ARMH3: variants seen among roughly 807,000 people sequenced by gnomAD.
ARMH3 encodes the protein armadillo like helical domain containing 3.
A neutral mutation model predicts 99.1 loss-of-function variants in ARMH3; 60 were observed. The ratio of observed to expected loss-of-function variants is 0.61; its 90% CI spans 0.49 to 0.75. The LOEUF is 0.75. Among genes scored for constraint, ARMH3 ranks in the 30% least tolerant of loss-of-function variants. ARMH3 has a pLI of 0.00. For missense variants in ARMH3, 679 were observed against 843.1 expected (o/e 0.81, Z 2.41); for synonymous variants, 285 against 292.8 (o/e 0.97, Z 0.27).
chr10:101,981,454 T>C (rs1846230372), intron 19 of ARMH3, among the ~76,000 whole-genome samples: 1 of 151,880 alleles, frequency 6.6e-6, no homozygotes, highest in Non-Finnish European at 1.5e-5. Flanking sequence ...TGATAGCCCG[T>C]CTTAAAAATA....
At chr10:101,885,494 T>G (rs2067518045) in intron 24 of ARMH3, among the ~76,000 whole-genome samples, 1 of 152,180 alleles carries the variant, frequency 6.6e-6, no homozygotes, top group Admixed American at 6.5e-5. Context: ...GGATGAATCT[T>G]GAATACATGA....
intron 19 of ARMH3, among the ~76,000 whole-genome samples, chr10:101,986,380 T>C (rs952896576): frequency 2.0e-5 from 3 of 151,762 alleles, no homozygotes; most frequent in Non-Finnish European, 4.4e-5. Context: ...AATCAAGGAG[T>C]ACAGCTAGGA....
rs1043032593 is a variant in ARMH3, at chr10:101,890,240, A to T, written c.1782-750T>A. On this transcript the variant is annotated intron_variant, in intron 23 of 25. Coordinates refer to ENST00000370033, the MANE Select transcript of ARMH3 (RefSeq NM_024541.3). ...ATCTCTTTTTTTCATATATATATAT[A>T]TATTTATTTATATTTATATTTTAGA... 5.2e-4 allele frequency among the ~76,000 whole-genome samples: 78 copies of T among 149,624 alleles called. 3 individuals carry two copies. Among genetic ancestry groups the T allele is most frequent in the Middle Eastern group, 3.5e-3 (1 of 286 alleles).
At chr10:101,891,286 T>G (rs2067685261) in intron 23 of ARMH3, among the ~76,000 whole-genome samples, 1 of 152,002 alleles carries the variant, frequency 6.6e-6, no homozygotes, top group Admixed American at 6.6e-5. Context: ...ACCTCCACCT[T>G]CCGGGTTTAA....
intron 6 of ARMH3, among the ~76,000 whole-genome samples, chr10:102,024,654 T>C (rs1319701687): frequency 1.5e-5 from 2 of 134,856 alleles, no homozygotes; most frequent in South Asian, 2.3e-4. Flanking sequence ...CTACTAAAAG[T>C]ACAAAAAAAA....
At chr10:101,908,664 C>CT (rs373262667) in intron 23 of ARMH3, among the ~76,000 whole-genome samples, 5,159 of 137,278 alleles carry the variant, frequency 0.038, 118 homozygotes, top group Non-Finnish European at 0.056. Flanking sequence ...TTTTCTTTTT[C>CT]TTTTTTTTTT....
intron 11 of ARMH3, among the ~76,000 whole-genome samples, chr10:102,010,933 G>A (rs1385480765): frequency 6.6e-6 from 1 of 152,098 alleles, no homozygotes; most frequent in Non-Finnish European, 1.5e-5. Context: ...AAGCAGTGGA[G>A]GAAAAAGAAT....
At chr10:101,973,549 A>G (rs954200832) in intron 20 of ARMH3, among the ~76,000 whole-genome samples, 8 of 152,160 alleles carry the variant, frequency 5.3e-5, no homozygotes, top group African/African-American at 1.9e-4. Flanking sequence ...TAGGAGGAGA[A>G]TAACAGGAAG....
intron 1 of ARMH3, among the ~76,000 whole-genome samples, chr10:102,041,178 A>G (rs1452490285): frequency 6.7e-6 from 1 of 149,794 alleles, no homozygotes; most frequent in Non-Finnish European, 1.5e-5. Flanking sequence ...AAGTAGTTTC[A>G]TGAATCATGG....
chr10:101,934,353 A>G (rs1008326870), intron 23 of ARMH3, among the ~76,000 whole-genome samples: 9 of 152,228 alleles, frequency 5.9e-5, no homozygotes, highest in South Asian at 2.1e-4. Flanking sequence ...CACTGGAACA[A>G]AAAGACCATG....
At chr10:102,047,520 T>G (rs935083010) in intron 1 of ARMH3, among the ~76,000 whole-genome samples, 2 of 150,392 alleles carry the variant, frequency 1.3e-5, no homozygotes, top group Non-Finnish European at 3.0e-5. Flanking sequence ...AACCTCTCAC[T>G]CTGTCACCCA....
chr10:102,017,552 G>C (rs2136137367), intron 8 of ARMH3, among the ~76,000 whole-genome samples: 1 of 152,264 alleles, frequency 6.6e-6, no homozygotes, highest in Middle Eastern at 3.4e-3. Flanking sequence ...ATTCATTACT[G>C]ATGATAGTGT....
At chr10:101,976,056 G>A (rs1845986659) in intron 19 of ARMH3, among the ~76,000 whole-genome samples, 1 of 148,504 alleles carries the variant, frequency 6.7e-6, no homozygotes, top group Non-Finnish European at 1.5e-5. Context: ...TTCGGGGAGG[G>A]CAGGGGGGTG....
rs537883627 is a variant in ARMH3, at chr10:102,045,663, T to A, written c.-11-5538A>T. Among the ~76,000 whole-genome samples the A allele has an allele frequency of 1.1e-3, 175 of 152,318 alleles. 5 individuals are homozygous for A. The South Asian group carries it at 0.033, about 29-fold the overall frequency. Reference sequence around the variant, plus strand: ...GGTCTTTTGTGTTTGTGAATTTTTTTAATATATAAGAAGAATCCAAATATC... The same window carrying A: ...GGTCTTTTGTGTTTGTGAATTTTTTAAATATATAAGAAGAATCCAAATATC... On this transcript the variant is annotated intron_variant, in intron 1 of 25. Transcript: ENST00000370033.
chr10:101,912,819 A>G (rs1333037284), intron 23 of ARMH3, among the ~76,000 whole-genome samples: 1 of 152,180 alleles, frequency 6.6e-6, no homozygotes, highest in Admixed American at 6.5e-5. Flanking sequence ...GCCCTTTATC[A>G]TACAGAGGAA....
chr10:102,006,497 A>C (rs568966535), intron 14 of ARMH3, 43 bp downstream of exon 14: 1 of 1,568,952 alleles, frequency 6.4e-7, no homozygotes, highest in East Asian at 2.2e-5. Flanking sequence ...TGAGAGATCT[A>C]AGATCATATT....
At chr10:102,055,915 A>G (rs1030976250) in intron 1 of ARMH3, among the ~76,000 whole-genome samples, 170 bp downstream of exon 1, 1 of 152,112 alleles carries the variant, frequency 6.6e-6, no homozygotes, top group African/African-American at 2.4e-5. Context: ...TCCCCGGCAT[A>G]CGCAGCTTCA....
Position 102,033,815 on chromosome 10 carries a change from G to A in ARMH3, c.103-476C>T, listed in dbSNP as rs569491566. ...TCTCTTTGTGTTTTTTTTCCCAAGTGGAAAACTGTGTGCATGGATATATAT... is the reference window on the plus strand; with the variant it reads ...TCTCTTTGTGTTTTTTTTCCCAAGTAGAAAACTGTGTGCATGGATATATAT... On this transcript the variant is annotated intron_variant, in intron 2 of 25. Transcript: ENST00000370033. Among the ~76,000 whole-genome samples the A allele has an allele frequency of 2.6e-5, 4 of 152,156 alleles. No individual in the cohort carries two copies. The South Asian group carries it at 8.3e-4, about 32-fold the overall frequency.
chr10:102,009,978 G>T lies in ARMH3; in HGVS notation c.877C>A (p.Gln293Lys). The change falls in exon 12 of 26, where the codon CAA (glutamine) becomes AAA (lysine). Residue 293 changes from glutamine (Q) to lysine (K), a missense_variant and splice_region_variant. By Grantham distance (53) the Gln-to-Lys change is moderately conservative. Around this residue, in one of 3 missense-constraint regions of ARMH3, gnomAD observed 280 missense variants for 354.6 expected, o/e 0.79. Coordinates refer to ENST00000370033, the MANE Select transcript of ARMH3 (RefSeq NM_024541.3). ...TGCACAAGAATGTCAGGCACTTACT[G>T]TACTGAGATTTTCTCATGGGCATCT... ...IADAHEKISV[Q>K]TNEAILLALY... The T allele has an allele frequency of 1.2e-6, 2 of 1,613,832 alleles. No individual in the cohort carries two copies. The highest frequency in any genetic ancestry group is 1.7e-6 in the Non-Finnish European group (2 of 1,179,796).
Sources: allele counts gnomAD v4.1 joint callset (sites outside exome capture counted in the v4.1 genomes callset), GRCh38; gene constraint gnomAD v4.1.1; regional missense constraint gnomAD v4.1.1; transcripts MANE v1.5; gene names NCBI Gene and HGNC (gene_info 2026-07-23, HGNC 2026-07-21).